The following DENND1B variants were observed in gnomAD, a reference collection of about 807,000 sequenced individuals.
The protein encoded by DENND1B is DENN domain-containing protein 1B.
DENND1B carries 59 observed loss-of-function variants against 90.1 expected under a neutral mutation model. The ratio of observed to expected loss-of-function variants is 0.65; its 90% CI spans 0.53 to 0.81. DENND1B has a LOEUF of 0.81. Among genes scored for constraint, DENND1B ranks in the 40% least tolerant of loss-of-function variants. The pLI is 0.00. For missense variants in DENND1B, 862 were observed against 912.6 expected (o/e 0.94, Z 0.71); for synonymous variants, 337 against 324.6 (o/e 1.04, Z -0.41).
intron 20 of DENND1B, among the ~76,000 whole-genome samples, chr1:197,523,397 G>A (rs541976403): frequency 2.0e-5 from 3 of 152,128 alleles, no homozygotes; most frequent in Non-Finnish European, 2.9e-5. Context: ...TCTCTGCCAT[G>A]AAAAGAAAGT....
chr1:197,591,989 G>A (rs1646028245), intron 14 of DENND1B, among the ~76,000 whole-genome samples: 2 of 150,232 alleles, frequency 1.3e-5, no homozygotes, highest in African/African-American at 4.9e-5. Flanking sequence ...GGCACCTGTA[G>A]TCCCTGCTAC....
At chr1:197,699,663 C>G (rs1038779331) in intron 3 of DENND1B, among the ~76,000 whole-genome samples, 1 of 152,062 alleles carries the variant, frequency 6.6e-6, no homozygotes, top group African/African-American at 2.4e-5. Flanking sequence ...TTAGAAAACC[C>G]CATCATCTCA....
At chr1:197,537,504 A>C (rs1458511038) in intron 20 of DENND1B, among the ~76,000 whole-genome samples, 3 of 152,128 alleles carry the variant, frequency 2.0e-5, no homozygotes, top group Non-Finnish European at 4.4e-5. Context: ...TGAGGACTAT[A>C]GTTAATAATA....
At chr1:197,527,825 CTT>C (rs1048862025) in intron 20 of DENND1B, among the ~76,000 whole-genome samples, 1 of 151,038 alleles carries the variant, frequency 6.6e-6, no homozygotes, top group Non-Finnish European at 1.5e-5. Context: ...TTTACAATCA[CTT>C]TTTTTTTGGT....
chr1:197,699,199 TA>T (rs907458788), intron 3 of DENND1B, among the ~76,000 whole-genome samples: 20 of 151,296 alleles, frequency 1.3e-4, no homozygotes, highest in African/African-American at 4.8e-4. Context: ...CAGCACATCA[TA>T]AAACATCCAC....
intron 6 of DENND1B, among the ~76,000 whole-genome samples, chr1:197,655,347 CAGAGAT>C (rs1653692483): frequency 1.3e-5 from 2 of 152,228 alleles, no homozygotes; most frequent in Admixed American, 1.3e-4. Context: ...ATGGGAGACA[CAGAGAT>C]AGAACAGTTC....
At chr1:197,666,333 G>A (rs1456337364) in intron 5 of DENND1B, among the ~76,000 whole-genome samples, 1 of 152,072 alleles carries the variant, frequency 6.6e-6, no homozygotes, top group Non-Finnish European at 1.5e-5. Flanking sequence ...CATTTATTTT[G>A]ACACAGAAAA....
At chr1:197,522,023 T>C (rs1668812715) in intron 20 of DENND1B, among the ~76,000 whole-genome samples, 1 of 151,946 alleles carries the variant, frequency 6.6e-6, no homozygotes, top group Non-Finnish European at 1.5e-5. Context: ...GATAAATAAG[T>C]CCAGAGAGAC....
chr1:197,718,184 G>GC (rs1042327958), intron 2 of DENND1B, among the ~76,000 whole-genome samples: 13 of 151,772 alleles, frequency 8.6e-5, no homozygotes, highest in African/African-American at 3.1e-4. Flanking sequence ...AATTTTTGTG[G>GC]CCCATTTAAC....
In DENND1B at chr1:197,505,852, GTATC is replaced by G. The variant is rs1667705161; in HGVS notation, c.*4604_*4607del. 6.6e-6 allele frequency: 1 copy of G among 151,576 alleles called. No homozygotes were observed. The highest frequency in any genetic ancestry group is 1.5e-5 in the Non-Finnish European group (1 of 67,692). 9.4% of individuals were successfully genotyped at this position (151,576 alleles called of 1,614,324 possible). A position where few individuals can be genotyped will look rare whatever the true frequency, so the allele number is the denominator to read the frequency against. On this transcript the variant is annotated 3_prime_UTR_variant, in exon 23 of 23. Transcript: ENST00000620048. ...TTTGATTTAGGTGGTGCAGAACTGA[GTATC>G]TGTTAAATGTACACATGTAGAATCA... is the stretch of plus-strand genomic sequence containing the variant.
intron 20 of DENND1B, among the ~76,000 whole-genome samples, chr1:197,519,529 C>T (rs1354037076): frequency 1.3e-5 from 2 of 151,860 alleles, no homozygotes; most frequent in Admixed American, 6.6e-5. Flanking sequence ...CCCTTGTCCT[C>T]ATGGATATTA....
chr1:197,714,872 T>C (rs1660488337), intron 3 of DENND1B, among the ~76,000 whole-genome samples, 159 bp downstream of exon 3: 2 of 152,166 alleles, frequency 1.3e-5, no homozygotes, highest in Admixed American at 6.6e-5. Context: ...TTCTTCCATA[T>C]ATTCCGCACA....
intron 20 of DENND1B, among the ~76,000 whole-genome samples, chr1:197,530,435 G>A (rs1467367079): frequency 6.6e-6 from 1 of 152,140 alleles, no homozygotes; most frequent in African/African-American, 2.4e-5. Context: ...TAGGATGAGT[G>A]AAGACTATAC....
chr1:197,643,696 C>T (rs1273365332), intron 9 of DENND1B, among the ~76,000 whole-genome samples: 1 of 152,150 alleles, frequency 6.6e-6, no homozygotes, highest in African/African-American at 2.4e-5. Flanking sequence ...GTCACGCTTG[C>T]TTTATATCCA....
chr1:197,716,279 A>C (rs1660639119), intron 2 of DENND1B, among the ~76,000 whole-genome samples: 1 of 151,820 alleles, frequency 6.6e-6, no homozygotes, highest in African/African-American at 2.4e-5. Flanking sequence ...AAAAAGAAAA[A>C]AGTAAGCTTT....
At chr1:197,655,028 T>C (rs1246293828) in intron 6 of DENND1B, among the ~76,000 whole-genome samples, 1 of 152,086 alleles carries the variant, frequency 6.6e-6, no homozygotes, top group Non-Finnish European at 1.5e-5. Flanking sequence ...TCAACAGAAG[T>C]TTTAAAACAA....
At chr1:197,693,661 G>T (rs1408048673) in intron 3 of DENND1B, among the ~76,000 whole-genome samples, 2 of 151,462 alleles carry the variant, frequency 1.3e-5, no homozygotes, top group Admixed American at 6.6e-5. Context: ...CATGGCAGCT[G>T]GGAATGAAAG....
intron 10 of DENND1B, among the ~76,000 whole-genome samples, chr1:197,624,773 A>C (rs929219316): frequency 2.6e-5 from 4 of 151,870 alleles, no homozygotes; most frequent in Admixed American, 2.0e-4. Context: ...CTTTGAAAAA[A>C]TTTTAGACGA....
intron 5 of DENND1B, among the ~76,000 whole-genome samples, chr1:197,661,866 AT>A (rs1654436997): frequency 6.6e-6 from 1 of 151,996 alleles, no homozygotes; most frequent in Non-Finnish European, 1.5e-5. Context: ...CAGATTTTTC[AT>A]TAAGAAGCTA....
Sources: allele counts gnomAD v4.1 joint callset (sites outside exome capture counted in the v4.1 genomes callset), GRCh38; gene constraint gnomAD v4.1.1; transcripts MANE v1.5; gene names NCBI Gene and HGNC (gene_info 2026-07-23, HGNC 2026-07-21).